GRIP1: variants seen among roughly 807,000 people sequenced by gnomAD.
GRIP1 encodes the protein glutamate receptor-interacting protein 1.
A neutral mutation model predicts 129.9 loss-of-function variants in GRIP1; 45 were observed. The observed-to-expected ratio is 0.35, with a 90% CI of 0.27 to 0.44. The LOEUF is 0.44. Ranked by LOEUF, GRIP1 falls within the 20% of genes least tolerant of loss-of-function variation. GRIP1 has a pLI of 1.00. For synonymous variants in GRIP1, 530 were observed against 520.8 expected (o/e 1.02, Z -0.24); for missense variants, 1,196 against 1,396.8 (o/e 0.86, Z 2.29).
chr12:66,656,752 TTAAA>T (rs1429763079), intron 1 of GRIP1, among the ~76,000 whole-genome samples: 1 of 152,204 alleles, frequency 6.6e-6, no homozygotes, highest in African/African-American at 2.4e-5. Context: ...TATTTATTAA[TTAAA>T]TAAATATTAA....
At chr12:66,995,286 G>C (rs2042451199) in intron 1 of GRIP1, among the ~76,000 whole-genome samples, 1 of 150,882 alleles carries the variant, frequency 6.6e-6, no homozygotes, top group African/African-American at 2.4e-5. Flanking sequence ...CACTAGGTTA[G>C]GCAAAACCTT....
At chr12:66,993,501 A>C (rs1173692383) in intron 1 of GRIP1, among the ~76,000 whole-genome samples, 1 of 152,060 alleles carries the variant, frequency 6.6e-6, no homozygotes, top group Non-Finnish European at 1.5e-5. Flanking sequence ...TAAAATCAGG[A>C]CTGAACAGAC....
At chr12:66,483,103 T>C (rs1051182465) in intron 7 of GRIP1, among the ~76,000 whole-genome samples, 1 of 152,160 alleles carries the variant, frequency 6.6e-6, no homozygotes, top group African/African-American at 2.4e-5. Flanking sequence ...CAAGGCTTGA[T>C]TAGAACCTCC....
At chr12:66,815,854 T>TTCTTTCTTTCTTTCTCTC (rs1555241802) in intron 1 of GRIP1, among the ~76,000 whole-genome samples, 1,660 of 116,722 alleles carry the variant, frequency 0.014, 27 homozygotes, top group East Asian at 0.042. Context: ...CTTTCTTTCT[T>TTCTTTCTTTCTTTCTCTC]TCTCTCTCTC....
intron 15 of GRIP1, among the ~76,000 whole-genome samples, chr12:66,420,480 A>T (rs1200220657): frequency 1.4e-5 from 2 of 144,928 alleles, no homozygotes; most frequent in African/African-American, 2.6e-5. Flanking sequence ...AGCCTATGCT[A>T]GATTCATGAA....
chr12:67,062,819 C>T (rs1363578757), intron 1 of GRIP1, among the ~76,000 whole-genome samples: 1 of 152,184 alleles, frequency 6.6e-6, no homozygotes. Flanking sequence ...GGCTAGAATA[C>T]ATCAAAGACC....
At position 66,542,808 on chromosome 12, in the gene GRIP1, C is replaced by A. The variant is rs551796065; in HGVS notation, c.137-858G>T. 3.3e-5 allele frequency among the ~76,000 whole-genome samples: 5 copies of A among 152,222 alleles called. No homozygotes were observed. The East Asian group carries it at 9.6e-4, about 29-fold the overall frequency. ...ATCTGTGATGTTATTCCCCTATCTG[C>A]AAATATATTTTCTTGGTAGGGATGG... On this transcript the variant is annotated intron_variant, in intron 2 of 24. Transcript: ENST00000359742.
chr12:66,717,055 G>A (rs1156680707), intron 1 of GRIP1, among the ~76,000 whole-genome samples: 3 of 152,000 alleles, frequency 2.0e-5, no homozygotes, highest in Admixed American at 6.6e-5. Context: ...AAAAACCCTA[G>A]GCAGGAGTGA....
At position 66,392,690 on chromosome 12, in the gene GRIP1, C is replaced by T; in HGVS notation, c.2256G>A (p.Lys752=). 6.2e-7 allele frequency: 1 copy of T among 1,614,108 alleles called. No individual in the cohort carries two copies. Among genetic ancestry groups the T allele is most frequent in the Non-Finnish European group, 8.5e-7 (1 of 1,179,990 alleles). Residue 752 remains lysine (K), a synonymous_variant, in exon 18 of 25, where the codon AAG becomes AAA. Coordinates refer to ENST00000359742, the MANE Select transcript of GRIP1 (RefSeq NM_001366722.1). ...MAGETVTLKI[K]KQTDAQSASS... ...TTCACTACTCACCATCTGTCTGTTT[C>T]TTAATTTTCAAGGTGACAGTCTCTC...
At chr12:66,840,575 A>G (rs890027695) in intron 1 of GRIP1, among the ~76,000 whole-genome samples, 3 of 152,208 alleles carry the variant, frequency 2.0e-5, no homozygotes, top group Non-Finnish European at 4.4e-5. Flanking sequence ...TTTTCTTGCC[A>G]GTGATGTTAT....
At chr12:66,835,912 A>C (rs1426202274) in intron 1 of GRIP1, among the ~76,000 whole-genome samples, 1 of 152,064 alleles carries the variant, frequency 6.6e-6, no homozygotes, top group African/African-American at 2.4e-5. Context: ...AGTTGTAACA[A>C]ATGTGCCACT....
intron 1 of GRIP1, among the ~76,000 whole-genome samples, chr12:66,929,496 T>C (rs2041351824): frequency 6.6e-6 from 1 of 152,240 alleles, no homozygotes; most frequent in Non-Finnish European, 1.5e-5. Flanking sequence ...ATTTCTGTCT[T>C]GCTCACTGTT....
intron 1 of GRIP1, among the ~76,000 whole-genome samples, chr12:66,840,084 T>C (rs577851953): frequency 1.2e-4 from 18 of 152,144 alleles, no homozygotes; most frequent in Non-Finnish European, 1.8e-4. Context: ...GCTTATAAAT[T>C]CAAGCCCCAT....
chr12:66,922,775 G>A (rs934586032), intron 1 of GRIP1, among the ~76,000 whole-genome samples: 1 of 152,084 alleles, frequency 6.6e-6, no homozygotes, highest in African/African-American at 2.4e-5. Context: ...GGGCATGATG[G>A]CCAGAACTCC....
At chr12:66,369,932 T>C (rs1229036992) in intron 23 of GRIP1, among the ~76,000 whole-genome samples, 1 of 152,218 alleles carries the variant, frequency 6.6e-6, no homozygotes, top group African/African-American at 2.4e-5. Flanking sequence ...AACCTGTGGC[T>C]GGGGCCTAAA....
At chr12:66,954,522 G>A (rs1191515380) in intron 1 of GRIP1, among the ~76,000 whole-genome samples, 2 of 152,154 alleles carry the variant, frequency 1.3e-5, no homozygotes, top group African/African-American at 4.8e-5. Flanking sequence ...GGGGTGGGGA[G>A]ACCATCAGTC....
chr12:66,708,892 GA>G (rs1176157375), intron 1 of GRIP1, among the ~76,000 whole-genome samples: 1 of 149,954 alleles, frequency 6.7e-6, no homozygotes, highest in Admixed American at 6.7e-5. Context: ...GATATTTTTT[GA>G]AAAAAAAATT....
intron 1 of GRIP1, among the ~76,000 whole-genome samples, chr12:66,970,768 C>T (rs992173940): frequency 1.3e-5 from 2 of 152,066 alleles, no homozygotes; most frequent in Non-Finnish European, 2.9e-5. Flanking sequence ...GTACTGTGAC[C>T]TTTACAAATG....
Position 66,991,166 on chromosome 12 carries a change from G to A in GRIP1, c.58+77884C>T, listed in dbSNP as rs1020542627. On this transcript the variant is annotated intron_variant, in intron 1 of 1. Coordinates refer to the GRIP1 transcript ENST00000643019. ...TGGGCGCCTGTAGTCCCAGCTACTC[G>A]GGAGGCTGAGACAGGAGAATGGCAT... Among the ~76,000 whole-genome samples, 14 of 149,966 alleles carry A rather than the reference G, an allele frequency of 9.3e-5. No homozygotes were observed. In the East Asian group the frequency reaches 1.6e-3, roughly 17 times the overall value.
Sources: gnomAD v4.1 joint callset for allele counts (sites outside exome capture counted in the v4.1 genomes callset) on GRCh38, gnomAD v4.1.1 for gene constraint, MANE v1.5 for transcripts, NCBI Gene and HGNC (gene_info 2026-07-23, HGNC 2026-07-21) for gene names.